The following CDH2 variants were observed in gnomAD, a reference collection of about 807,000 sequenced individuals.
CDH2 encodes the protein cadherin 2, also known as cadherin-2.
Under a neutral mutation model 92.0 loss-of-function variants are expected in CDH2, and 17 were observed. The observed-to-expected ratio is 0.18, with a 90% CI of 0.13 to 0.28. The LOEUF (loss-of-function observed/expected upper bound fraction) is 0.28, where lower values mean the gene tolerates loss of function less well. Ranked by LOEUF, CDH2 falls within the 10% of genes least tolerant of loss-of-function variation. The pLI is 1.00. For synonymous variants in CDH2, 419 were observed against 415.9 expected (o/e 1.01, Z -0.09); for missense variants, 862 against 1,133.1 (o/e 0.76, Z 3.44).
intron 1 of CDH2, among the ~76,000 whole-genome samples, chr18:28,175,329 G>A (rs1325782341): frequency 6.6e-6 from 1 of 152,186 alleles, no homozygotes; most frequent in Non-Finnish European, 1.5e-5. Flanking sequence ...GATGGCGAGT[G>A]GGGGAAGGGA....
chr18:28,064,638 A>G (rs572528302), intron 2 of CDH2, among the ~76,000 whole-genome samples: 1 of 152,158 alleles, frequency 6.6e-6, no homozygotes, highest in South Asian at 2.1e-4. Flanking sequence ...AGGTGGTTTA[A>G]AGAAATGCGA....
At chr18:28,128,929 A>G (rs981236620) in intron 2 of CDH2, among the ~76,000 whole-genome samples, 2 of 152,210 alleles carry the variant, frequency 1.3e-5, no homozygotes, top group African/African-American at 2.4e-5. Context: ...CCAAAGGCCT[A>G]TTTGAATTGC....
intron 2 of CDH2, among the ~76,000 whole-genome samples, chr18:28,073,263 T>C (rs915672478): frequency 6.6e-6 from 1 of 152,192 alleles, no homozygotes; most frequent in African/African-American, 2.4e-5. Flanking sequence ...GTTTTCAATG[T>C]AGAGAAGTTC....
intron 1 of CDH2, among the ~76,000 whole-genome samples, chr18:28,166,462 T>C (rs1295942383): frequency 2.0e-5 from 3 of 151,990 alleles, no homozygotes; most frequent in Non-Finnish European, 4.4e-5. Flanking sequence ...AGGTACTTAA[T>C]TCTAAATCAA....
chr18:28,168,783 CAG>C (rs1463257536), intron 1 of CDH2, among the ~76,000 whole-genome samples: 1 of 151,788 alleles, frequency 6.6e-6, no homozygotes, highest in African/African-American at 2.4e-5. Flanking sequence ...CAAGATTAAA[CAG>C]AGAGTGTAAT....
intron 2 of CDH2, among the ~76,000 whole-genome samples, chr18:28,045,209 T>C (rs2014050066): frequency 6.6e-6 from 1 of 152,096 alleles, no homozygotes; most frequent in African/African-American, 2.4e-5. Flanking sequence ...GGTTATATCC[T>C]CTCCACTTCT....
rs17494628 is a variant in CDH2, at chr18:28,100,897, T to G, written c.172+46776A>C. 4.3e-3 allele frequency among the ~76,000 whole-genome samples: 655 copies of G among 152,290 alleles called. 5 individuals are homozygous for G. Among genetic ancestry groups the G allele is most frequent in the African/African-American group, 0.015 (620 of 41,560 alleles). On this transcript the variant is annotated intron_variant, in intron 2 of 15. Transcript: ENST00000269141. ...ACTGCCCAACTCACTAGCTGAAACA[T>G]TACATCTTCCTATCCCACTGAATAG...
At chr18:27,944,827 G>A (rs1909229807) in intron 6 of CDH2, among the ~76,000 whole-genome samples, 1 of 149,874 alleles carries the variant, frequency 6.7e-6, no homozygotes, top group South Asian at 2.1e-4. Flanking sequence ...GTATGAGGAT[G>A]TCTTGAGCCC....
At chr18:27,942,318 A>G (rs1004547777) in intron 6 of CDH2, among the ~76,000 whole-genome samples, 1 of 152,236 alleles carries the variant, frequency 6.6e-6, no homozygotes, top group African/African-American at 2.4e-5. Context: ...TAGTGTAACA[A>G]TTATAGGTAG....
At chr18:27,967,904 G>C (rs574317823) in intron 14 of CDH2, among the ~76,000 whole-genome samples, 11 of 152,170 alleles carry the variant, frequency 7.2e-5, no homozygotes, top group Non-Finnish European at 1.5e-4. Flanking sequence ...ATAAAATGTT[G>C]CATCAGTATA....
chr18:28,115,375 T>A (rs2015479764), intron 2 of CDH2, among the ~76,000 whole-genome samples: 1 of 152,180 alleles, frequency 6.6e-6, no homozygotes, highest in Non-Finnish European at 1.5e-5. Context: ...GATGCAGGAA[T>A]ATCCCAGTGT....
At chr18:28,079,802 T>C (rs1197424982) in intron 2 of CDH2, among the ~76,000 whole-genome samples, 1 of 152,196 alleles carries the variant, frequency 6.6e-6, no homozygotes, top group Non-Finnish European at 1.5e-5. Flanking sequence ...GTCACTGCTT[T>C]TTAAAGGTAA....
intron 6 of CDH2, among the ~76,000 whole-genome samples, chr18:28,004,251 T>A (rs1449252640): frequency 6.6e-6 from 1 of 152,228 alleles, no homozygotes; most frequent in East Asian, 1.9e-4. Context: ...GTCACCACTG[T>A]ATCCACAGTG....
rs527507187 is a variant in CDH2 at position 28,093,552 on chromosome 18, T to C, written c.172+54121A>G. Among the ~76,000 whole-genome samples, 25 of 144,260 alleles carry C rather than the reference T, an allele frequency of 1.7e-4. No homozygotes were observed. The East Asian group carries it at 4.6e-3, about 26-fold the overall frequency. 94.6% of individuals were successfully genotyped at this position (144,260 alleles called of 152,430 possible). On this transcript the variant is annotated intron_variant, in intron 2 of 15. Coordinates refer to ENST00000269141, the MANE Select transcript of CDH2 (RefSeq NM_001792.5). ...TTAAGATATGAATGTCTTTATCTTT[T>C]AAAGTCTAAGCAAAGTTAAAAAAAA...
At chr18:27,987,416 A>T (rs148817667) in intron 11 of CDH2, among the ~76,000 whole-genome samples, 2 of 152,320 alleles carry the variant, frequency 1.3e-5, no homozygotes, top group East Asian at 3.9e-4. Flanking sequence ...ACAGATAGTA[A>T]TCTCATTAAA....
intron 2 of CDH2, among the ~76,000 whole-genome samples, chr18:28,062,152 A>T (rs2014415745): frequency 6.6e-6 from 1 of 152,234 alleles, no homozygotes; most frequent in South Asian, 2.1e-4. Context: ...TTACAAACAG[A>T]TACAATGAAC....
intron 1 of CDH2, among the ~76,000 whole-genome samples, chr18:28,150,802 C>T (rs1245923920): frequency 1.3e-5 from 2 of 152,124 alleles, no homozygotes; most frequent in Non-Finnish European, 2.9e-5. Flanking sequence ...TAAGACAAAA[C>T]GGATCCACAA....
chr18:27,968,717 A>G (rs2011587082), intron 14 of CDH2, among the ~76,000 whole-genome samples: 1 of 152,212 alleles, frequency 6.6e-6, no homozygotes, highest in African/African-American at 2.4e-5. Flanking sequence ...TTATAGCTGC[A>G]AAGGCAAATG....
At position 27,996,537 on chromosome 18, in the gene CDH2, G is replaced by T. The variant is rs1456565983; in HGVS notation, c.1021-2900C>A. ...ACGACTTCTGAAAGTTCTTGAGGAA[G>T]AGCTGTTTGTGTCCTCAGGACAGAG... On this transcript the variant is annotated intron_variant, in intron 7 of 15. Coordinates refer to ENST00000269141, the MANE Select transcript of CDH2 (RefSeq NM_001792.5). Among the ~76,000 whole-genome samples the T allele has an allele frequency of 1.3e-5, 2 of 152,158 alleles. 1 individual carries two copies. Among genetic ancestry groups the T allele is most frequent in the Non-Finnish European group, 2.9e-5 (2 of 68,020 alleles).
Sources: gnomAD v4.1 joint callset for allele counts (sites outside exome capture counted in the v4.1 genomes callset) on GRCh38, gnomAD v4.1.1 for gene constraint, MANE v1.5 for transcripts, NCBI Gene and HGNC (gene_info 2026-07-23, HGNC 2026-07-21) for gene names.